PCBP3: variants seen among roughly 807,000 people sequenced by gnomAD.
PCBP3 encodes the protein poly(rC) binding protein 3, also known as poly(rC)-binding protein 3.
Under a neutral mutation model 52.7 loss-of-function variants are expected in PCBP3, and 25 were observed. That is an observed-to-expected ratio of 0.47 (90% CI 0.35 to 0.66). PCBP3 has a LOEUF of 0.66. Among genes scored for constraint, PCBP3 ranks in the 30% least tolerant of loss-of-function variants. The pLI, the probability that PCBP3 is intolerant of heterozygous loss-of-function variation, is 0.01. For missense variants in PCBP3, 391 were observed against 490.3 expected, an observed-to-expected ratio of 0.80 and a Z score of 1.91; for synonymous variants, 162 against 183.0, an observed-to-expected ratio of 0.89 and a Z score of 0.93.
chr21:45,922,836 A>G (rs1401226975), intron 13 of PCBP3, among the ~76,000 whole-genome samples: 2 of 152,166 alleles, frequency 1.3e-5, no homozygotes, highest in Non-Finnish European at 2.9e-5. Flanking sequence ...GAGCCAGGGA[A>G]TGGGAGGGCT....
chr21:45,686,806 AAAACAGCTGT>A, intron 2 of PCBP3, among the ~76,000 whole-genome samples: 1 of 152,186 alleles, frequency 6.6e-6, no homozygotes, highest in East Asian at 1.9e-4. Flanking sequence ...GTGTAGAAGA[AAAACAGCTGT>A]ATAACATAGA....
intron 12 of PCBP3, chr21:45,915,710 TGGGCCCTG>T (rs2073278836): frequency 2.0e-5 from 3 of 152,470 alleles, no homozygotes; most frequent in Admixed American, 6.5e-5. Flanking sequence ...CTTTGAGAGC[TGGGCCCTG>T]GGGCCCTGGG....
chr21:45,886,962 C>T (rs536941743), intron 5 of PCBP3, among the ~76,000 whole-genome samples: 18 of 152,334 alleles, frequency 1.2e-4, no homozygotes, highest in Admixed American at 8.5e-4. Flanking sequence ...CCGTGTCCTC[C>T]GTGGTGCCTG....
intron 10 of PCBP3, among the ~76,000 whole-genome samples, chr21:45,909,767 C>CCCCACCCACTGCCCAGATACGGACCCGG (rs2096297208): frequency 9.5e-6 from 1 of 105,044 alleles, no homozygotes; most frequent in African/African-American, 3.9e-5. Flanking sequence ...TACGGACCCC[C>CCCCACCCACTGCCCAGATACGGACCCGG]CCCACCCACT....
chr21:45,692,859 A>G (rs1603272474), intron 2 of PCBP3, among the ~76,000 whole-genome samples: 1 of 152,212 alleles, frequency 6.6e-6, no homozygotes, highest in East Asian at 1.9e-4. Context: ...TCCTCATGTA[A>G]CTAGGTACTA....
At chr21:45,678,646 CA>C (rs1447036036) in intron 2 of PCBP3, among the ~76,000 whole-genome samples, 3 of 151,552 alleles carry the variant, frequency 2.0e-5, no homozygotes, top group Admixed American at 2.0e-4. Flanking sequence ...ATCTCATGAT[CA>C]AACTTGAATG....
chr21:45,756,043 A>G (rs1167477272), intron 4 of PCBP3, among the ~76,000 whole-genome samples: 1 of 152,144 alleles, frequency 6.6e-6, no homozygotes, highest in Admixed American at 6.5e-5. Context: ...CCTAGAAATT[A>G]TATAGTTTTA....
intron 5 of PCBP3, among the ~76,000 whole-genome samples, chr21:45,855,008 G>C (rs1287829693): frequency 6.6e-6 from 1 of 152,218 alleles, no homozygotes; most frequent in Non-Finnish European, 1.5e-5. Flanking sequence ...GGAGCCTCTC[G>C]GAACAGCTCG....
chr21:45,794,813 C>T (rs2091833504), intron 4 of PCBP3, among the ~76,000 whole-genome samples: 1 of 151,980 alleles, frequency 6.6e-6, no homozygotes, highest in African/African-American at 2.4e-5. Flanking sequence ...CCTGTAGTCC[C>T]AGCTACTTGG....
chr21:45,822,886 T>C (rs1182553335), intron 4 of PCBP3, among the ~76,000 whole-genome samples: 6 of 152,128 alleles, frequency 3.9e-5, no homozygotes, highest in Non-Finnish European at 8.8e-5. Context: ...GAAGGGGCTA[T>C]GAGTTTGAGG....
intron 13 of PCBP3, among the ~76,000 whole-genome samples, chr21:45,921,909 C>T (rs1857720263): frequency 6.6e-6 from 1 of 152,212 alleles, no homozygotes; most frequent in African/African-American, 2.4e-5. Context: ...CCACGTCCTC[C>T]TCGAGGCTTA....
intron 1 of PCBP3, among the ~76,000 whole-genome samples, chr21:45,646,103 C>CTT (rs1269114772): frequency 5.2e-5 from 4 of 76,932 alleles, no homozygotes; most frequent in African/African-American, 1.2e-4. Flanking sequence ...CTCTCTCTCT[C>CTT]TCTCTGTGTG....
At chr21:45,672,339 CT>C (rs1332726648) in intron 2 of PCBP3, among the ~76,000 whole-genome samples, 1 of 152,062 alleles carries the variant, frequency 6.6e-6, no homozygotes, top group African/African-American at 2.4e-5. Context: ...TTTTGGTATT[CT>C]GTTATAAGCA....
intron 2 of PCBP3, among the ~76,000 whole-genome samples, chr21:45,695,735 A>G (rs1203279000): frequency 6.6e-6 from 1 of 152,100 alleles, no homozygotes; most frequent in Non-Finnish European, 1.5e-5. Context: ...CCTGGTACAT[A>G]AGGCCACTTG....
At chr21:45,726,279 T>C (rs2085036108) in intron 2 of PCBP3, among the ~76,000 whole-genome samples, 1 of 151,584 alleles carries the variant, frequency 6.6e-6, no homozygotes, top group Non-Finnish European at 1.5e-5. Context: ...TGGGAGTTCA[T>C]GGGGGAGAGC....
At chr21:45,725,774 G>A (rs1179479216) in intron 2 of PCBP3, among the ~76,000 whole-genome samples, 2 of 152,074 alleles carry the variant, frequency 1.3e-5, no homozygotes, top group African/African-American at 4.8e-5. Context: ...GAGGACTTTC[G>A]GAGGAGGAGG....
At chr21:45,703,293 C>G (rs933033388) in intron 2 of PCBP3, among the ~76,000 whole-genome samples, 1 of 152,204 alleles carries the variant, frequency 6.6e-6, no homozygotes, top group Non-Finnish European at 1.5e-5. Context: ...TTGCCCAGAT[C>G]CATCAGAGGA....
At chr21:45,647,768 G>T (rs2079415154) in intron 1 of PCBP3, among the ~76,000 whole-genome samples, 1 of 152,124 alleles carries the variant, frequency 6.6e-6, no homozygotes, top group African/African-American at 2.4e-5. Flanking sequence ...GGAGTTGCAT[G>T]GTAGGTAGAA....
intron 5 of PCBP3, among the ~76,000 whole-genome samples, chr21:45,877,980 C>T (rs1173286986): frequency 6.6e-6 from 1 of 152,234 alleles, no homozygotes; most frequent in East Asian, 1.9e-4. Flanking sequence ...CTTCCTGTGT[C>T]CTCACTGCCC....
Sources: allele counts gnomAD v4.1 joint callset (sites outside exome capture counted in the v4.1 genomes callset), GRCh38; gene constraint gnomAD v4.1.1; transcripts MANE v1.5; gene names NCBI Gene and HGNC (gene_info 2026-07-23, HGNC 2026-07-21).